The following DHX38 variants were observed in gnomAD, a reference collection of about 807,000 sequenced individuals.
DHX38 encodes DEAH-box helicase 38.
DHX38 carries 100 observed loss-of-function variants against 153.1 expected under a neutral mutation model. That is an observed-to-expected ratio of 0.65 (90% CI 0.56 to 0.77). DHX38 has a LOEUF of 0.77. Ranked by LOEUF, DHX38 falls within the 30% of genes least tolerant of loss-of-function variation. The pLI is 0.00. For missense variants in DHX38, 1,440 were observed against 1,654.0 expected (o/e 0.87, Z 2.24); for synonymous variants, 650 against 631.7 (o/e 1.03, Z -0.43).
At chr16:72,110,529 A>G (rs907333550) in intron 25 of DHX38, among the ~76,000 whole-genome samples, 11 of 152,194 alleles carry the variant, frequency 7.2e-5, no homozygotes, top group Admixed American at 2.0e-4. Flanking sequence ...GCCTAGATCC[A>G]TATTTAGGGT....
Position 72,104,891 on chromosome 16 carries a change from G to A in DHX38, c.2152-136G>A. On this transcript the variant is annotated intron_variant, in intron 15 of 26. Transcript: ENST00000268482. This position sits in a 1 kb window ranked among gnomAD's most constrained non-coding sequence, Gnocchi z 4.5. ...CCTCTTGTAGAGGCCTCGCAGTCAG[G>A]CCCATGTGGAGGTGTGGTGGCCCTC... is the stretch of plus-strand genomic sequence containing the variant. 1.1e-6 allele frequency: 1 copy of A among 904,232 alleles called. No individual in the cohort carries two copies. The highest frequency in any genetic ancestry group is 1.7e-6 in the Non-Finnish European group (1 of 602,944). The allele number at this position is 904,232 out of a possible 1,614,324, so 56.0% of individuals were successfully genotyped here.
chr16:72,106,679 G>C (rs996598828), intron 19 of DHX38, among the ~76,000 whole-genome samples: 6 of 152,116 alleles, frequency 3.9e-5, no homozygotes, highest in African/African-American at 1.4e-4. Flanking sequence ...GTGAACTCCT[G>C]GCTTCAAGCG....
chr16:72,112,032 T>C lies in DHX38; in HGVS notation c.3600-381T>C, dbSNP rs752470454. 2.6e-4 allele frequency: 61 copies of C among 236,754 alleles called. 1 individual carries two copies. The highest frequency in any genetic ancestry group is 5.0e-4 in the Non-Finnish European group (59 of 119,030). 14.7% of individuals were successfully genotyped at this position (236,754 alleles called of 1,614,324 possible). A position where few individuals can be genotyped will look rare whatever the true frequency, so the allele number is the denominator to read the frequency against. ...ACGAGGGCTGAGGGGCCCCCATGAA[T>C]AGCAGACACTCCAGTCACTTGGGAA... On this transcript the variant is annotated intron_variant, in intron 26 of 26. Transcript: ENST00000268482.
chr16:72,099,708 C>T (rs2042072772), intron 7 of DHX38, 24 bp from the exon 8 acceptor site: 3 of 1,613,412 alleles, frequency 1.9e-6, no homozygotes, highest in Non-Finnish European at 2.5e-6. Context: ...CCCTCACTCC[C>T]TTGCTTTGCC....
rs1415723129 is a variant in DHX38, at chr16:72,094,856, GCAGTC to G, written c.-20+809_-20+813del. Among the ~76,000 whole-genome samples the G allele has an allele frequency of 2.0e-5, 3 of 152,238 alleles. No homozygotes were observed. In the East Asian group the frequency reaches 5.8e-4, roughly 29 times the overall value. Reference sequence around the variant, plus strand: ...AGTGTTCTCTCAACTGCGTAGAATGGCAGTCCAGGGTACCTTTCCTAGTTTAGACA... The same window carrying G: ...AGTGTTCTCTCAACTGCGTAGAATGGCAGGGTACCTTTCCTAGTTTAGACA... On this transcript the variant is annotated intron_variant, in intron 1 of 26. Coordinates refer to ENST00000268482, the MANE Select transcript of DHX38 (RefSeq NM_014003.4).
At position 72,112,498 on chromosome 16, in the gene DHX38, G is replaced by A. The variant is rs745508609; in HGVS notation, c.*1G>A. On this transcript the variant is annotated 3_prime_UTR_variant, in exon 27 of 27. Transcript: ENST00000268482. ...CACGCCAGCCCGCTTTGGTCTGTGA[G>A]CTGAGGCTGTCCCCAGAGAGGATGG... is the stretch of plus-strand genomic sequence containing the variant. 6.2e-7 allele frequency: 1 copy of A among 1,611,984 alleles called. No individual in the cohort carries two copies. Among genetic ancestry groups the A allele is most frequent in the South Asian group, 1.1e-5 (1 of 91,082 alleles).
Position 72,105,118 on chromosome 16 carries a change from C to CAT in DHX38, c.2243_2244insAT (p.Gly749LeufsTer8). 6.2e-7 allele frequency: 1 copy of CAT among 1,614,212 alleles called. No individual in the cohort carries two copies. The highest frequency in any genetic ancestry group is 8.5e-7 in the Non-Finnish European group (1 of 1,180,040). On this transcript the variant is annotated frameshift_variant, in exon 16 of 27. Coordinates refer to ENST00000268482, the MANE Select transcript of DHX38 (RefSeq NM_014003.4). LOFTEE classifies it high-confidence loss of function. ...CCTGGAGACATCCTTATCTTCATGC[C>CAT]TGGCCAAGAGGACATTGAGGTGCGT...
intron 18 of DHX38, 131 bp from the exon 19 acceptor site, chr16:72,105,873 CA>C: frequency 1.2e-6 from 1 of 814,590 alleles, no homozygotes; most frequent in Admixed American, 2.3e-5. Context: ...TTCAGGTGTT[CA>C]TGAGAACATT....
At position 72,103,516 on chromosome 16, in the gene DHX38, G is replaced by T. The variant is rs1025971253; in HGVS notation, c.1638-86G>T. 6.9e-6 allele frequency: 10 copies of T among 1,445,070 alleles called. No individual in the cohort carries two copies. In the Admixed American group the frequency reaches 9.0e-5, roughly 13 times the overall value. The allele number at this position is 1,445,070 out of a possible 1,614,324, so 89.5% of individuals were successfully genotyped here. On this transcript the variant is annotated intron_variant, in intron 12 of 26. Transcript: ENST00000268482. ...ATGCTCCCTGGATAGCTAGTCATGGGGATAGGAGGTAGCGGAGTCTTCTTG... is the reference window on the plus strand; with the variant it reads ...ATGCTCCCTGGATAGCTAGTCATGGTGATAGGAGGTAGCGGAGTCTTCTTG...
Position 72,099,060 on chromosome 16 carries a change from G to T in DHX38, c.883+15G>T. ...CAGGGGCCGAGGTGAGGCCTGTGGG[G>T]CAGCAGGCAGAAGAGCAGGCTTGCT... On this transcript the variant is annotated intron_variant, in intron 6 of 26. Transcript: ENST00000268482. 1 of 1,611,806 alleles carries T rather than the reference G, an allele frequency of 6.2e-7. No individual in the cohort carries two copies. The highest frequency in any genetic ancestry group is 8.5e-7 in the Non-Finnish European group (1 of 1,179,526).
intron 1 of DHX38, among the ~76,000 whole-genome samples, chr16:72,095,859 T>C (rs1460998542): frequency 6.6e-6 from 1 of 151,914 alleles, no homozygotes; most frequent in Non-Finnish European, 1.5e-5. Flanking sequence ...TTATTGCCTC[T>C]TGGATCTTTG....
chr16:72,107,934 G>T lies in DHX38; in HGVS notation c.2964+135G>T. On this transcript the variant is annotated intron_variant, in intron 21 of 26. Transcript: ENST00000268482. This position sits in a 1 kb window ranked among gnomAD's most constrained non-coding sequence, Gnocchi z 5.3. ...TCTGAAGAATGATTTTGCTGTTCTC[G>T]GTTAAGCAGGTTGGGGTAGGGGAAA... 7.6e-7 allele frequency: 1 copy of T among 1,316,342 alleles called. No homozygotes were observed. Among genetic ancestry groups the T allele is most frequent in the Non-Finnish European group, 1.0e-6 (1 of 979,850 alleles). The allele number at this position is 1,316,342 out of a possible 1,614,324, so 81.5% of individuals were successfully genotyped here. A position where few individuals can be genotyped will look rare whatever the true frequency, so the allele number is the denominator to read the frequency against.
Position 72,104,611 on chromosome 16 carries a change from C to T in DHX38, c.2136C>T (p.Asp712=). Residue 712 remains aspartate, a synonymous_variant, in exon 15 of 27, where the codon GAC becomes GAT. Coordinates refer to ENST00000268482, the MANE Select transcript of DHX38 (RefSeq NM_014003.4). The surrounding 1 kb of genome is among the most constrained non-coding windows in gnomAD (Gnocchi z 4.5). ...FHIPGRTFPV[D]ILFSKTPQED... is the part of the protein sequence containing the mutation. ...TCCCTGGCCGTACCTTCCCTGTTGA[C>T]ATCCTCTTCAGCAAGGTATTGAGGC... 1 of 1,614,168 alleles carries T rather than the reference C, an allele frequency of 6.2e-7. No homozygotes were observed. Among genetic ancestry groups the T allele is most frequent in the Non-Finnish European group, 8.5e-7 (1 of 1,180,032 alleles).
At chr16:72,110,899 G>GAGA in intron 25 of DHX38, 57 bp from the exon 26 acceptor site, 1 of 1,520,866 alleles carries the variant, frequency 6.6e-7, no homozygotes, top group Non-Finnish European at 8.9e-7. Context: ...GTGCCGACGA[G>GAGA]GCCTCCTTCC....
rs1299801143 is a variant in DHX38, at chr16:72,101,510, A to G, written c.1397A>G (p.Lys466Arg). Residue 466 changes from lysine to arginine, a missense_variant, in exon 11 of 27, where the codon AAA becomes AGA. Physicochemically the swap from Lys to Arg is conservative, Grantham distance 26 (BLOSUM62 2). This residue lies in a region of DHX38 where 241 missense variants were observed against 229.5 expected (regional missense o/e 1.05). Coordinates refer to ENST00000268482, the MANE Select transcript of DHX38 (RefSeq NM_014003.4). ...CTTTTTCCTTTTCAGGCTCAGCACA[A>G]ACACTGGGAACTGGCGGGGACCAAA... ...EQKERKKAQH[K>R]HWELAGTKLG... is the part of the protein sequence containing the mutation. The G allele has an allele frequency of 1.3e-6, 2 of 1,551,922 alleles. No individual in the cohort carries two copies. Among genetic ancestry groups the G allele is most frequent in the Non-Finnish European group, 1.7e-6 (2 of 1,147,124 alleles).
chr16:72,105,773 G>T, intron 18 of DHX38, 149 bp downstream of exon 18: 1 of 808,514 alleles, frequency 1.2e-6, no homozygotes, highest in Non-Finnish European at 2.0e-6. Context: ...TTGACTCACT[G>T]TGCTTGGTTT....
chr16:72,106,441 T>TTTC lies in DHX38; in HGVS notation c.2600+327_2600+329dup, dbSNP rs2042178301. Among the ~76,000 whole-genome samples the TTTC allele has an allele frequency of 2.3e-4, 7 of 30,358 alleles. No individual in the cohort carries two copies. In the South Asian group the frequency reaches 9.2e-3, roughly 40 times the overall value. The allele number at this position is 30,358 out of a possible 152,430, so 19.9% of individuals were successfully genotyped here. On this transcript the variant is annotated intron_variant, in intron 19 of 26. Transcript: ENST00000268482. The stretch of plus-strand genomic sequence containing the variant: ...TATTTCTATTGTTCTCTTTCCCCAT[T>TTTC]TTCTTTCTTTCTTTTTTCCAATTAG...
At chr16:72,103,366 A>T (rs1016072690) in intron 12 of DHX38, among the ~76,000 whole-genome samples, 155 bp downstream of exon 12, 4 of 152,260 alleles carry the variant, frequency 2.6e-5, no homozygotes, top group Non-Finnish European at 2.9e-5. Flanking sequence ...TACACTGCAC[A>T]AAGTAACGGG....
At position 72,101,464 on chromosome 16, in the gene DHX38, G is replaced by A. The variant is rs1256125877; in HGVS notation, c.1387-36G>A. The stretch of plus-strand genomic sequence containing the variant: ...GATTTTCCATTGCTCGCAGTCATGT[G>A]GCAGGATGGAGCAGACTGACCTTTT... On this transcript the variant is annotated intron_variant, in intron 10 of 26. Coordinates refer to ENST00000268482, the MANE Select transcript of DHX38 (RefSeq NM_014003.4). The A allele has an allele frequency of 2.0e-6, 3 of 1,533,914 alleles. No individual in the cohort carries two copies. In the South Asian group the frequency reaches 3.6e-5, roughly 18 times the overall value.
Sources: allele counts gnomAD v4.1 joint callset (sites outside exome capture counted in the v4.1 genomes callset), GRCh38; gene constraint gnomAD v4.1.1; regional missense constraint gnomAD v4.1.1; non-coding constraint Gnocchi (gnomAD v3.1); transcripts MANE v1.5; gene names NCBI Gene and HGNC (gene_info 2026-07-23, HGNC 2026-07-21).